MYLK: variants seen among roughly 807,000 people sequenced by gnomAD.
MYLK encodes the protein myosin light chain kinase.
Under a neutral mutation model 203.4 loss-of-function variants are expected in MYLK, and 106 were observed. That is an observed-to-expected ratio of 0.52 (90% CI 0.45 to 0.61). The LOEUF is 0.61. Ranked by LOEUF, MYLK falls within the 20% of genes least tolerant of loss-of-function variation. MYLK has a pLI of 0.00. For missense variants in MYLK, 2,072 were observed against 2,442.3 expected, an observed-to-expected ratio of 0.85 and a Z score of 3.20; for synonymous variants, 867 against 959.5, an observed-to-expected ratio of 0.90 and a Z score of 1.78.
chr3:123,733,144 A>G (rs1312206337), intron 10 of MYLK, 42 bp from the exon 11 acceptor site: 2 of 1,591,946 alleles, frequency 1.3e-6, no homozygotes, highest in East Asian at 4.5e-5. Context: ...TATGCCCTGG[A>G]GAGCACCCTG....
chr3:123,832,276 CTCCTGAAGT>C lies in MYLK; in HGVS notation c.-126-615_-126-607del, dbSNP rs1252338605. On this transcript the variant is annotated intron_variant, in intron 2 of 33. Coordinates refer to ENST00000360304, the MANE Select transcript of MYLK (RefSeq NM_053025.4). ...GACCCCCGACTCAGCCTGGCCCAGG[CTCCTGAAGT>C]TCCCCCTTCTCCTCCCTTCAGACAC... Among the ~76,000 whole-genome samples the C allele has an allele frequency of 3.3e-5, 5 of 152,310 alleles. No homozygotes were observed. The East Asian group carries it at 7.7e-4, about 24-fold the overall frequency.
intron 31 of MYLK, chr3:123,620,867 A>G (rs1266828770): frequency 6.2e-6 from 1 of 160,024 alleles, no homozygotes; most frequent in Admixed American, 5.9e-5. Context: ...TCTGAGCTTC[A>G]GTCTCCTTCT....
intron 4 of MYLK, among the ~76,000 whole-genome samples, chr3:123,767,830 G>A (rs965780510): frequency 6.6e-6 from 1 of 152,228 alleles, no homozygotes; most frequent in Non-Finnish European, 1.5e-5. Context: ...GGGCTGCTGA[G>A]AGAGGCCTGG....
chr3:123,767,979 T>C (rs2063760447), intron 4 of MYLK, among the ~76,000 whole-genome samples: 1 of 152,200 alleles, frequency 6.6e-6, no homozygotes, highest in African/African-American at 2.4e-5. Context: ...CCATCACCAC[T>C]TGGCTTCTGA....
chr3:123,760,398 G>A lies in MYLK; in HGVS notation c.166-7860C>T, dbSNP rs958984897. On this transcript the variant is annotated intron_variant, in intron 4 of 33. Transcript: ENST00000360304. The stretch of plus-strand genomic sequence containing the variant: ...TCTCCATGTTGGTCAGGCTGGTCTT[G>A]AACTCCCGACCTAAGGTGATCCATC... Among the ~76,000 whole-genome samples the A allele has an allele frequency of 5.9e-5, 9 of 152,206 alleles. No homozygotes were observed. In the East Asian group the frequency reaches 1.7e-3, roughly 29 times the overall value.
Position 123,682,262 on chromosome 3 carries a change from C to T in MYLK, c.3614G>A (p.Arg1205Lys). Residue 1205 changes from arginine (R) to lysine (K), a missense_variant, in exon 20 of 34, where the codon AGG becomes AAG. Around this residue, in one of 3 missense-constraint regions of MYLK, gnomAD observed 865 missense variants for 1,016.0 expected, o/e 0.85. Transcript: ENST00000360304. ...NTKAPEMKSRRPKSSLPPVLG... is the reference protein window; with the variant it reads ...NTKAPEMKSRKPKSSLPPVLG... ...CACGGGAGGAAGAGAGCTCTTGGGC[C>T]TCCGGGATTTCATCTCTGGGGCCTT... The T allele has an allele frequency of 1.2e-6, 2 of 1,604,132 alleles. No individual in the cohort carries two copies. The highest frequency in any genetic ancestry group is 1.7e-6 in the Non-Finnish European group (2 of 1,175,636).
At chr3:123,832,917 G>A (rs550556538) in intron 2 of MYLK, among the ~76,000 whole-genome samples, 9 of 152,128 alleles carry the variant, frequency 5.9e-5, no homozygotes, top group African/African-American at 1.4e-4. Context: ...CACTGAAAAC[G>A]TCCTTACACA....
chr3:123,685,916 C>A (rs1158789206), intron 19 of MYLK, among the ~76,000 whole-genome samples: 1 of 152,164 alleles, frequency 6.6e-6, no homozygotes, highest in Non-Finnish European at 1.5e-5. Context: ...AAACTAGGCA[C>A]ACCCCAGACT....
At chr3:123,792,547 C>T (rs193257463) in intron 4 of MYLK, among the ~76,000 whole-genome samples, 524 of 152,208 alleles carry the variant, frequency 3.4e-3, no homozygotes, top group Non-Finnish European at 5.9e-3. Context: ...TAATCAGTGG[C>T]TTTTTGTGTC....
intron 19 of MYLK, among the ~76,000 whole-genome samples, chr3:123,686,066 G>C (rs759991895): frequency 6.6e-6 from 1 of 152,238 alleles, no homozygotes; most frequent in Non-Finnish European, 1.5e-5. Context: ...GAAGGGCCAT[G>C]TGCCTAATCA....
At chr3:123,690,664 G>A (rs2060626602) in intron 19 of MYLK, among the ~76,000 whole-genome samples, 1 of 152,308 alleles carries the variant, frequency 6.6e-6, no homozygotes, top group South Asian at 2.1e-4. Context: ...ATATCTGTAA[G>A]TATAGCAACA....
At chr3:123,630,254 G>A (rs1034743903) in intron 29 of MYLK, among the ~76,000 whole-genome samples, 7 of 152,286 alleles carry the variant, frequency 4.6e-5, no homozygotes, top group South Asian at 2.1e-4. Flanking sequence ...CAGCCTCTCC[G>A]CTTGCTGTAT....
chr3:123,681,985 G>A (rs1428698843), intron 20 of MYLK: 1 of 585,954 alleles, frequency 1.7e-6, no homozygotes, highest in Non-Finnish European at 3.1e-6. Flanking sequence ...CAGATGAGAT[G>A]TGCAACACCA....
intron 13 of MYLK, among the ~76,000 whole-genome samples, chr3:123,713,577 CAATGTGTGTG>C (rs2061781858): frequency 9.1e-6 from 1 of 110,328 alleles, no homozygotes; most frequent in Non-Finnish European, 1.9e-5. Flanking sequence ...AAGAGCAACA[CAATGTGTGTG>C]TGTGTGTGTG....
intron 2 of MYLK, among the ~76,000 whole-genome samples, chr3:123,855,515 T>A (rs1445150676): frequency 6.6e-6 from 1 of 152,090 alleles, no homozygotes; most frequent in African/African-American, 2.4e-5. Flanking sequence ...AGCATGAGCC[T>A]GTAGTTCTAG....
chr3:123,815,907 T>A (rs1414684165), intron 3 of MYLK, among the ~76,000 whole-genome samples: 1 of 152,244 alleles, frequency 6.6e-6, no homozygotes, highest in Non-Finnish European at 1.5e-5. Flanking sequence ...TGCCAGGTGC[T>A]ATAATAGTCC....
rs755248772 is a variant in MYLK, at chr3:123,657,201, G to T, written c.4213C>A (p.Arg1405Ser). Residue 1405 changes from arginine (R) to serine (S), a missense_variant, in exon 24 of 34, where the codon CGT (arginine) becomes AGT (serine). Arg to Ser is a moderately radical substitution (Grantham distance 110, BLOSUM62 -1). Around this residue, in one of 3 missense-constraint regions of MYLK, gnomAD observed 524 missense variants for 782.4 expected, o/e 0.67. Transcript: ENST00000360304. ...LPDHEYKFRV[R>S]AINVYGTSEP... The stretch of plus-strand genomic sequence containing the variant: ...CTGGTTCCATACACGTTGATTGCAC[G>T]TACACGGAACTTATATTCGTGGTCA... The T allele has an allele frequency of 6.2e-7, 1 of 1,614,162 alleles. No homozygotes were observed. The highest frequency in any genetic ancestry group is 1.1e-5 in the South Asian group (1 of 91,082).
At chr3:123,758,480 G>GCTCA (rs2063430669) in intron 4 of MYLK, among the ~76,000 whole-genome samples, 1 of 152,152 alleles carries the variant, frequency 6.6e-6, no homozygotes, top group Non-Finnish European at 1.5e-5. Context: ...AATGCCATGT[G>GCTCA]GGTCTCCAGG....
At chr3:123,704,747 C>CAAAAA (rs5852352) in intron 16 of MYLK, among the ~76,000 whole-genome samples, 37 of 87,688 alleles carry the variant, frequency 4.2e-4, no homozygotes, top group South Asian at 2.7e-3. Context: ...ACTAAAAATA[C>CAAAAA]AAAAAAAAAA....
Sources: allele counts gnomAD v4.1 joint callset (sites outside exome capture counted in the v4.1 genomes callset), GRCh38; gene constraint gnomAD v4.1.1; regional missense constraint gnomAD v4.1.1; transcripts MANE v1.5; gene names NCBI Gene and HGNC (gene_info 2026-07-23, HGNC 2026-07-21).